Variants in SHISA9 observed in about 807,000 individuals in gnomAD.
The protein encoded by SHISA9 is shisa family member 9.
A neutral mutation model predicts 38.0 loss-of-function variants in SHISA9; 13 were observed. The observed-to-expected ratio is 0.34, with a 90% CI of 0.22 to 0.54. The LOEUF (loss-of-function observed/expected upper bound fraction) is 0.54. Ranked by LOEUF, SHISA9 falls within the 20% of genes least tolerant of loss-of-function variation. The pLI, the probability that SHISA9 is intolerant of heterozygous loss-of-function variation, is 0.91. For missense variants in SHISA9, 538 were observed against 575.8 expected (o/e 0.93, Z 0.67); for synonymous variants, 275 against 242.0 (o/e 1.14, Z -1.27).
intron 2 of SHISA9, among the ~76,000 whole-genome samples, chr16:12,964,942 A>G (rs1284618643): frequency 7.9e-5 from 12 of 152,206 alleles, no homozygotes; most frequent in Admixed American, 6.5e-4. Flanking sequence ...CTGATTATCA[A>G]TGATGGTGAT....
In SHISA9 at chr16:13,121,886, A is replaced by G. The variant is rs1402039289; in HGVS notation, c.692-81508A>G. ...ACACACACACACACACACACACAGA[A>G]CAGGCCTACATAACAGACATAATTA... On this transcript the variant is annotated intron_variant, in intron 2 of 4. Coordinates refer to ENST00000558583, the MANE Select transcript of SHISA9 (RefSeq NM_001145204.3). Among the ~76,000 whole-genome samples the G allele has an allele frequency of 3.4e-5, 5 of 147,058 alleles. 1 individual carries two copies. Among genetic ancestry groups the G allele is most frequent in the African/African-American group, 1.2e-4 (5 of 40,102 alleles).
chr16:12,964,204 C>T (rs1033901189), intron 2 of SHISA9, among the ~76,000 whole-genome samples: 3 of 152,152 alleles, frequency 2.0e-5, no homozygotes, highest in Admixed American at 1.3e-4. Flanking sequence ...TGGAGCTGAT[C>T]TTGAAGGAAA....
the SHISA9 span, among the ~76,000 whole-genome samples, chr16:13,561,882 A>T: frequency 6.6e-6 from 1 of 152,184 alleles, no homozygotes; most frequent in African/African-American, 2.4e-5. Flanking sequence ...AAAAAAAAGC[A>T]AAAGACAGCT....
the SHISA9 span, among the ~76,000 whole-genome samples, chr16:13,262,132 C>T: frequency 3.3e-5 from 5 of 152,324 alleles, no homozygotes; most frequent in East Asian, 9.6e-4. Context: ...CTCCACTATC[C>T]TCAAATGCCC....
the SHISA9 span, among the ~76,000 whole-genome samples, chr16:13,262,674 G>GGAAGGAAGGAAGGA: frequency 4.3e-5 from 2 of 47,042 alleles, no homozygotes; most frequent in African/African-American, 1.0e-4. Context: ...GGAAGGAAGG[G>GGAAGGAAGGAAGGA]AGGGAGGAAG....
chr16:13,068,775 C>T (rs1225669778), intron 2 of SHISA9, among the ~76,000 whole-genome samples: 2 of 152,146 alleles, frequency 1.3e-5, no homozygotes, highest in African/African-American at 4.8e-5. Flanking sequence ...TATGTGTGCA[C>T]ACCTGCAATA....
the SHISA9 span, among the ~76,000 whole-genome samples, chr16:13,490,538 C>G: frequency 7.2e-5 from 11 of 152,214 alleles, no homozygotes; most frequent in Admixed American, 7.2e-4. Flanking sequence ...GCACCCCAGC[C>G]TGGGCAACAG....
intron 2 of SHISA9, among the ~76,000 whole-genome samples, chr16:13,144,909 G>A (rs1252874524): frequency 2.0e-5 from 3 of 152,332 alleles, no homozygotes; most frequent in Non-Finnish European, 2.9e-5. Flanking sequence ...CAAGAGAGAA[G>A]GAGGGAGGTT....
At chr16:13,291,595 G>A in the SHISA9 span, among the ~76,000 whole-genome samples, 2 of 152,130 alleles carry the variant, frequency 1.3e-5, no homozygotes, top group African/African-American at 2.4e-5. Context: ...GCATGTGTAT[G>A]TAGAGCATGT....
At chr16:13,210,909 G>A (rs1226932521) in intron 3 of SHISA9, among the ~76,000 whole-genome samples, 1 of 152,206 alleles carries the variant, frequency 6.6e-6, no homozygotes, top group Non-Finnish European at 1.5e-5. Flanking sequence ...TCTAAAGTAT[G>A]TAACCAGGCA....
intron 2 of SHISA9, among the ~76,000 whole-genome samples, chr16:12,998,451 A>G (rs1277300989): frequency 6.6e-6 from 1 of 152,228 alleles, no homozygotes; most frequent in Non-Finnish European, 1.5e-5. Context: ...AAAGGTTCAC[A>G]GACTTTCTTT....
At chr16:13,148,531 C>G (rs2050468334) in intron 2 of SHISA9, among the ~76,000 whole-genome samples, 1 of 152,188 alleles carries the variant, frequency 6.6e-6, no homozygotes, top group South Asian at 2.1e-4. Flanking sequence ...ACCATCTCAC[C>G]AAAGCAAACC....
chr16:13,402,833 T>C, the SHISA9 span, among the ~76,000 whole-genome samples: 1 of 152,176 alleles, frequency 6.6e-6, no homozygotes, highest in African/African-American at 2.4e-5. Flanking sequence ...AAAATAAATT[T>C]CTGGGCTGGG....
At chr16:13,227,545 C>T (rs1343242008) in intron 4 of SHISA9, among the ~76,000 whole-genome samples, 1 of 152,120 alleles carries the variant, frequency 6.6e-6, no homozygotes, top group Non-Finnish European at 1.5e-5. Flanking sequence ...GGGATGACAA[C>T]CTTGGGCCAG....
At chr16:13,052,591 C>T (rs2073265362) in intron 2 of SHISA9, among the ~76,000 whole-genome samples, 1 of 152,192 alleles carries the variant, frequency 6.6e-6, no homozygotes, top group Non-Finnish European at 1.5e-5. Context: ...AACTGACGGA[C>T]AGACACTTTG....
rs116423681 is a variant in SHISA9 at position 12,905,223 on chromosome 16, A to G, written c.563+2596A>G. ...CTATTTTAATATTCACATACATGCA[A>G]GAAAATCATGGCTCAGGTGAGGTGC... On this transcript the variant is annotated intron_variant, in intron 1 of 4. Coordinates refer to ENST00000558583, the MANE Select transcript of SHISA9 (RefSeq NM_001145204.3). 2.4e-3 allele frequency among the ~76,000 whole-genome samples: 373 copies of G among 152,346 alleles called. 1 individual carries two copies. Among genetic ancestry groups the G allele is most frequent in the African/African-American group, 8.3e-3 (344 of 41,584 alleles).
chr16:13,204,695 A>G (rs1434926851), intron 3 of SHISA9: 2 of 152,268 alleles, frequency 1.3e-5, no homozygotes, highest in African/African-American at 4.8e-5. Flanking sequence ...CAAGTGCAAG[A>G]CATTGAATTA....
chr16:13,372,793 C>T, the SHISA9 span, among the ~76,000 whole-genome samples: 3 of 152,202 alleles, frequency 2.0e-5, no homozygotes, highest in East Asian at 3.9e-4. Context: ...AGAGATTGAC[C>T]GACCTACAGT....
chr16:13,272,780 T>A, the SHISA9 span, among the ~76,000 whole-genome samples: 2 of 152,164 alleles, frequency 1.3e-5, no homozygotes, highest in African/African-American at 2.4e-5. Context: ...TTTTCCTCCA[T>A]CTCGGGAAAA....
Sources: gnomAD v4.1 joint callset for allele counts (sites outside exome capture counted in the v4.1 genomes callset) on GRCh38, gnomAD v4.1.1 for gene constraint, MANE v1.5 for transcripts, NCBI Gene and HGNC (gene_info 2026-07-23, HGNC 2026-07-21) for gene names.